SYN3: variants seen among roughly 807,000 people sequenced by gnomAD.
The protein encoded by SYN3 is synapsin-3.
SYN3 carries 35 observed loss-of-function variants against 65.8 expected under a neutral mutation model. That is an observed-to-expected ratio of 0.53 (90% confidence interval 0.41 to 0.70). The LOEUF is 0.70. Ranked by LOEUF, SYN3 falls within the 30% of genes least tolerant of loss-of-function variation. The pLI, the probability that SYN3 is intolerant of heterozygous loss-of-function variation, is 0.00. For synonymous variants in SYN3, 270 were observed against 292.9 expected (o/e 0.92, Z 0.80); for missense variants, 680 against 749.0 (o/e 0.91, Z 1.08).
At chr22:32,649,710 G>A (rs58993164) in intron 6 of SYN3, among the ~76,000 whole-genome samples, 1,822 of 152,266 alleles carry the variant, frequency 0.012, 37 homozygotes, top group African/African-American at 0.042. Flanking sequence ...CTAGAATTGT[G>A]ACAACACAGG....
intron 10 of SYN3, among the ~76,000 whole-genome samples, chr22:32,531,123 C>G (rs1476013468): frequency 7.2e-6 from 1 of 139,350 alleles, no homozygotes; most frequent in Non-Finnish European, 1.5e-5. Flanking sequence ...CCTCTTTCCC[C>G]TGGCGACAGA....
chr22:32,847,456 T>G (rs992838031), intron 6 of SYN3, among the ~76,000 whole-genome samples: 1 of 152,202 alleles, frequency 6.6e-6, no homozygotes, highest in Non-Finnish European at 1.5e-5. Context: ...CTGTGTGTTT[T>G]GCCATCGCCG....
chr22:32,737,451 T>C (rs754629024), intron 6 of SYN3, among the ~76,000 whole-genome samples: 16 of 152,200 alleles, frequency 1.1e-4, no homozygotes, highest in Non-Finnish European at 2.4e-4. Context: ...TATCTCCTAA[T>C]GCTATCCCTC....
chr22:32,976,352 C>G (rs1383003737), intron 3 of SYN3, among the ~76,000 whole-genome samples: 1 of 152,188 alleles, frequency 6.6e-6, no homozygotes, highest in Non-Finnish European at 1.5e-5. Flanking sequence ...CATTAGTGTT[C>G]TTTCTGCCTT....
chr22:32,989,258 T>C (rs1248758199), intron 2 of SYN3, among the ~76,000 whole-genome samples: 1 of 152,144 alleles, frequency 6.6e-6, no homozygotes, highest in African/African-American at 2.4e-5. Flanking sequence ...CATTACTATA[T>C]CTGCTGTAAG....
Position 32,628,117 on chromosome 22 carries a change from AC to A in SYN3, c.712-31382del, listed in dbSNP as rs553444904. Among the ~76,000 whole-genome samples the A allele has an allele frequency of 5.3e-4, 80 of 152,064 alleles. 2 individuals carry two copies. The highest frequency in any genetic ancestry group is 4.7e-3 in the Admixed American group (72 of 15,278). ...GGGGATTACAGGTGTGAGCCACCGC[AC>A]CCGGCCAGAGGAATGTTTTTACCAG... On this transcript the variant is annotated intron_variant, in intron 6 of 13. Coordinates refer to ENST00000358763, the MANE Select transcript of SYN3 (RefSeq NM_003490.4).
chr22:32,560,728 G>A (rs1041772970), intron 7 of SYN3, among the ~76,000 whole-genome samples: 3 of 152,116 alleles, frequency 2.0e-5, no homozygotes, highest in African/African-American at 7.2e-5. Flanking sequence ...GAGGAGCCAC[G>A]GAGGGTTTCA....
At chr22:32,868,286 T>C (rs2048743348) in intron 5 of SYN3, among the ~76,000 whole-genome samples, 1 of 151,338 alleles carries the variant, frequency 6.6e-6, no homozygotes, top group Admixed American at 6.6e-5. Flanking sequence ...ACATGTTTTG[T>C]TATTATATAT....
At chr22:32,881,175 C>G (rs1260378795) in intron 4 of SYN3, among the ~76,000 whole-genome samples, 2 of 152,166 alleles carry the variant, frequency 1.3e-5, no homozygotes, top group African/African-American at 4.8e-5. Context: ...GGCCTCAGAG[C>G]AGCTGTTCCT....
rs1328969426 is a variant in SYN3 at position 32,508,121 on chromosome 22, C to T, written c.*5571G>A. 2.0e-5 allele frequency among the ~76,000 whole-genome samples: 3 copies of T among 152,194 alleles called. No homozygotes were observed. Among genetic ancestry groups the T allele is most frequent in the Non-Finnish European group, 2.9e-5 (2 of 68,038 alleles). ...GCCATCGCATCCCCTGTGACTTGCG[C>T]GTATACGCCCAGATGGCCTGAAGTA... On this transcript the variant is annotated 3_prime_UTR_variant, in exon 14 of 14. Coordinates refer to ENST00000358763, the MANE Select transcript of SYN3 (RefSeq NM_003490.4).
intron 1 of SYN3, among the ~76,000 whole-genome samples, chr22:33,008,177 T>G (rs897785337): frequency 4.6e-5 from 7 of 152,236 alleles, no homozygotes; most frequent in Admixed American, 1.3e-4. Context: ...CCTCAAGTGA[T>G]CTGCCTGCTT....
chr22:32,705,445 T>C (rs1273521493), intron 6 of SYN3, among the ~76,000 whole-genome samples: 3 of 152,226 alleles, frequency 2.0e-5, no homozygotes, highest in Non-Finnish European at 4.4e-5. Flanking sequence ...CCATGCTGTT[T>C]TGGCTACTGT....
intron 7 of SYN3, among the ~76,000 whole-genome samples, chr22:32,556,192 C>T (rs577819867): frequency 3.3e-4 from 51 of 152,302 alleles, no homozygotes; most frequent in African/African-American, 1.2e-3. Context: ...TGTTTACATC[C>T]TAACAATTTA....
intron 7 of SYN3, among the ~76,000 whole-genome samples, chr22:32,586,799 T>C (rs1028376951): frequency 6.6e-6 from 1 of 152,160 alleles, no homozygotes; most frequent in African/African-American, 2.4e-5. Context: ...GAGGATGGAC[T>C]GTGTATGTTG....
chr22:32,867,741 C>T (rs1176851865), intron 5 of SYN3, among the ~76,000 whole-genome samples: 1 of 152,158 alleles, frequency 6.6e-6, no homozygotes, highest in Non-Finnish European at 1.5e-5. Flanking sequence ...CGCCACCACG[C>T]CCAGCTAATT....
At chr22:32,529,789 C>T (rs991986737) in intron 10 of SYN3, among the ~76,000 whole-genome samples, 1 of 152,200 alleles carries the variant, frequency 6.6e-6, no homozygotes, top group African/African-American at 2.4e-5. Context: ...CCTCTCTGCT[C>T]CACTGCAGGA....
intron 6 of SYN3, among the ~76,000 whole-genome samples, chr22:32,808,342 TG>T (rs1183342385): frequency 1.3e-5 from 2 of 152,170 alleles, no homozygotes; most frequent in Non-Finnish European, 2.9e-5. Flanking sequence ...TCTCCCTTCT[TG>T]TTGCCTATGG....
At chr22:32,914,751 T>C (rs971291183) in intron 4 of SYN3, among the ~76,000 whole-genome samples, 4 of 151,798 alleles carry the variant, frequency 2.6e-5, no homozygotes, top group Middle Eastern at 3.4e-3. Flanking sequence ...CCATGTGGAG[T>C]TGTTTTGAGG....
At chr22:32,629,538 C>G (rs1223166971) in intron 6 of SYN3, 1 of 152,264 alleles carries the variant, frequency 6.6e-6, no homozygotes, top group Non-Finnish European at 1.5e-5. Context: ...GCAGGCGGCA[C>G]GGTGTGGACG....
Sources: allele counts gnomAD v4.1 joint callset (sites outside exome capture counted in the v4.1 genomes callset), GRCh38; gene constraint gnomAD v4.1.1; transcripts MANE v1.5; gene names NCBI Gene and HGNC (gene_info 2026-07-23, HGNC 2026-07-21).